Variants in NFATC1 observed in about 807,000 individuals in gnomAD.
The protein encoded by NFATC1 is nuclear factor of activated T cells 1.
Under a neutral mutation model 76.0 loss-of-function variants are expected in NFATC1, and 22 were observed. That is an observed-to-expected ratio of 0.29 (90% CI 0.21 to 0.41). The LOEUF (loss-of-function observed/expected upper bound fraction) is 0.41, where lower values mean the gene tolerates loss of function less well. Among genes scored for constraint, NFATC1 ranks in the 10% least tolerant of loss-of-function variants. The probability of loss-of-function intolerance (pLI) is 1.00; values close to 1 mark genes in which losing one functional copy is unlikely to be tolerated. For synonymous variants in NFATC1, 704 were observed against 613.1 expected, an observed-to-expected ratio of 1.15 and a Z score of -2.19; for missense variants, 1,357 against 1,337.7, an observed-to-expected ratio of 1.01 and a Z score of -0.23.
chr18:79,427,098 T>C (rs1036356253), intron 2 of NFATC1, among the ~76,000 whole-genome samples: 4 of 152,072 alleles, frequency 2.6e-5, no homozygotes, highest in Non-Finnish European at 1.5e-5. Context: ...ATGTCCCGGG[T>C]TCTTAGGTTA....
chr18:79,466,503 C>A (rs754220340), intron 7 of NFATC1, among the ~76,000 whole-genome samples: 1 of 152,216 alleles, frequency 6.6e-6, no homozygotes, highest in South Asian at 2.1e-4. Context: ...CCCAGCCCCC[C>A]ACCCAGCCCC....
intron 2 of NFATC1, among the ~76,000 whole-genome samples, chr18:79,424,661 CTCTCCATCTCTGTCTCTGTCCCTG>C: frequency 6.7e-6 from 1 of 148,854 alleles, no homozygotes; most frequent in African/African-American, 2.6e-5. Context: ...CCGTCTCTGT[CTCTCCATCTCTGTCTCTGTCCCTG>C]TCTCTGTCTC....
rs555297903 is a variant in NFATC1 at position 79,411,166 on chromosome 18, C to T, written c.891C>T (p.Asp297=). ...GCTCCCCGCGGGTCAGCGTGACCGA[C>T]GACTCGTGGTTGGGCAACACCACCC... The part of the protein sequence containing the change: ...PHGSPRVSVT[D]DSWLGNTTQY... Residue 297 remains aspartate (D), a synonymous_variant, in exon 2 of 10, where the codon GAC becomes GAT. Coordinates refer to ENST00000427363, the MANE Select transcript of NFATC1 (RefSeq NM_001278669.2). The T allele has an allele frequency of 1.4e-5, 23 of 1,612,270 alleles. No individual in the cohort carries two copies. The highest frequency in any genetic ancestry group is 1.1e-4 in the South Asian group (10 of 91,078).
rs180775845 is a variant in NFATC1, at chr18:79,434,797, G to A, written c.1386+1059G>A. On this transcript the variant is annotated intron_variant, in intron 3 of 9. Coordinates refer to ENST00000427363, the MANE Select transcript of NFATC1 (RefSeq NM_001278669.2). ...ATGGCTGTTTGCCAACGCAGCAGCCGGCGGCAGGGAATTAGCGGGCAGGGC... is the reference window on the plus strand; with the variant it reads ...ATGGCTGTTTGCCAACGCAGCAGCCAGCGGCAGGGAATTAGCGGGCAGGGC... Among the ~76,000 whole-genome samples the A allele has an allele frequency of 6.4e-4, 98 of 152,352 alleles. 1 individual carries two copies. Among genetic ancestry groups the A allele is most frequent in the Non-Finnish European group, 1.2e-3 (81 of 68,036 alleles).
At chr18:79,474,882 T>C (rs1467878617) in intron 8 of NFATC1, among the ~76,000 whole-genome samples, 2 of 143,406 alleles carry the variant, frequency 1.4e-5, no homozygotes, top group East Asian at 2.1e-4. Flanking sequence ...TCACGCTCAC[T>C]GTCGACGTTG....
intron 9 of NFATC1, among the ~76,000 whole-genome samples, chr18:79,526,602 T>C (rs778547249): frequency 1.3e-5 from 2 of 152,218 alleles, no homozygotes; most frequent in Non-Finnish European, 2.9e-5. Flanking sequence ...GCAGCCAGGG[T>C]TCCTCCTGGA....
chr18:79,509,642 T>TC (rs1334095198), intron 9 of NFATC1, among the ~76,000 whole-genome samples: 1 of 152,238 alleles, frequency 6.6e-6, no homozygotes, highest in East Asian at 1.9e-4. Context: ...AGGTCAGTGA[T>TC]CTCCATTAGA....
chr18:79,474,047 C>T lies in NFATC1; in HGVS notation c.2092+6465C>T, dbSNP rs528452339. ...CCTGAGGGAAGCGTGTTCTCACGCT[C>T]GCTGTCAACGTAAACCTGAGGGAAG... On this transcript the variant is annotated intron_variant, in intron 8 of 9. Coordinates refer to ENST00000427363, the MANE Select transcript of NFATC1 (RefSeq NM_001278669.2). Among the ~76,000 whole-genome samples the T allele has an allele frequency of 2.4e-4, 34 of 144,112 alleles. 2 individuals are homozygous for T. Among genetic ancestry groups the T allele is most frequent in the African/African-American group, 8.4e-4 (32 of 38,108 alleles). 94.5% of individuals were successfully genotyped at this position (144,112 alleles called of 152,430 possible).
chr18:79,506,209 C>T (rs911877526), intron 9 of NFATC1, among the ~76,000 whole-genome samples: 7 of 152,170 alleles, frequency 4.6e-5, no homozygotes, highest in Admixed American at 6.5e-5. Context: ...GAGCCTGTGG[C>T]GTGGTTTCAG....
intron 8 of NFATC1, chr18:79,468,351 A>G (rs1344081993): frequency 6.7e-6 from 1 of 149,248 alleles, no homozygotes; most frequent in Non-Finnish European, 1.5e-5. Context: ...GAGAGGACAG[A>G]ATTAGCAGTC....
intron 9 of NFATC1, among the ~76,000 whole-genome samples, chr18:79,518,007 G>C (rs1405249873): frequency 6.6e-6 from 1 of 152,244 alleles, no homozygotes; most frequent in South Asian, 2.1e-4. Flanking sequence ...CCCAAATCCA[G>C]TTCCTAAAAA....
chr18:79,411,494 T>A lies in NFATC1; in HGVS notation c.1219T>A (p.Tyr407Asn). The A allele has an allele frequency of 6.7e-7, 1 of 1,486,226 alleles. No homozygotes were observed. The highest frequency in any genetic ancestry group is 1.4e-5 in the South Asian group (1 of 70,898). The allele number at this position is 1,486,226 out of a possible 1,614,324, so 92.1% of individuals were successfully genotyped here. A position where few individuals can be genotyped will look rare whatever the true frequency, so the allele number is the denominator to read the frequency against. ...GCCCAAGCCCCTGTCCCCTACGTCC[T>A]ACATGAGGTGAGCCGGCAGCGCGGG... is the stretch of plus-strand genomic sequence containing the variant. ...AKPKPLSPTS[Y>N]MSPTLPALDW... Residue 407 changes from tyrosine (Y) to asparagine (N), a missense_variant, in exon 2 of 10, where the codon TAC (tyrosine) becomes AAC (asparagine). Coordinates refer to ENST00000427363, the MANE Select transcript of NFATC1 (RefSeq NM_001278669.2).
chr18:79,405,094 G>T (rs906065816), intron 1 of NFATC1, among the ~76,000 whole-genome samples: 1 of 152,204 alleles, frequency 6.6e-6, no homozygotes, highest in African/African-American at 2.4e-5. Context: ...GTGGCCGTCT[G>T]TCCTAGCACC....
intron 6 of NFATC1, among the ~76,000 whole-genome samples, chr18:79,459,953 G>C (rs1195191640): frequency 6.6e-6 from 1 of 152,204 alleles, no homozygotes; most frequent in Non-Finnish European, 1.5e-5. Context: ...TCCAGGGCCT[G>C]GAGGACTTGC....
rs1445405769 is a variant in NFATC1 at position 79,400,582 on chromosome 18, T to A, written c.127+4231T>A. The A allele has an allele frequency of 2.1e-5, 22 of 1,058,900 alleles. No individual in the cohort carries two copies. The South Asian group carries it at 5.4e-4, about 26-fold the overall frequency. The allele number at this position is 1,058,900 out of a possible 1,614,324, so 65.6% of individuals were successfully genotyped here. A position where few individuals can be genotyped will look rare whatever the true frequency, so the allele number is the denominator to read the frequency against. Reference sequence around the variant, plus strand: ...CGTCGCTCCCCGGGGACCCCAGGAGTCCCCGGCGCGCCCGGGACCGAGGGG... The same window carrying A: ...CGTCGCTCCCCGGGGACCCCAGGAGACCCCGGCGCGCCCGGGACCGAGGGG... On this transcript the variant is annotated intron_variant, in intron 1 of 9. Coordinates refer to ENST00000427363, the MANE Select transcript of NFATC1 (RefSeq NM_001278669.2).
chr18:79,401,105 A>T (rs2085232061), intron 1 of NFATC1, among the ~76,000 whole-genome samples: 1 of 150,008 alleles, frequency 6.7e-6, no homozygotes, highest in African/African-American at 2.5e-5. Flanking sequence ...ACCACAAATA[A>T]CTCCCCACTC....
intron 9 of NFATC1, among the ~76,000 whole-genome samples, chr18:79,500,208 T>G (rs565596959): frequency 1.1e-4 from 16 of 152,278 alleles, no homozygotes; most frequent in Middle Eastern, 3.4e-3. Context: ...CAAAATATTC[T>G]GATTGCAATG....
intron 9 of NFATC1, among the ~76,000 whole-genome samples, chr18:79,515,029 CAG>C (rs1182066323): frequency 6.6e-6 from 1 of 151,652 alleles, no homozygotes; most frequent in African/African-American, 2.4e-5. Context: ...GGGCAACAGA[CAG>C]AGCAAGACGC....
chr18:79,503,900 G>A (rs1358024840), intron 9 of NFATC1, among the ~76,000 whole-genome samples: 2 of 152,248 alleles, frequency 1.3e-5, no homozygotes, highest in African/African-American at 4.8e-5. Flanking sequence ...ATGGTATGGA[G>A]ATGGCTTCTT....
Sources: gnomAD v4.1 joint callset for allele counts (sites outside exome capture counted in the v4.1 genomes callset) on GRCh38, gnomAD v4.1.1 for gene constraint, MANE v1.5 for transcripts, NCBI Gene and HGNC (gene_info 2026-07-23, HGNC 2026-07-21) for gene names.